Variants in GRIK2 observed in about 807,000 individuals in gnomAD.
GRIK2 encodes the protein glutamate receptor ionotropic, kainate 2.
A neutral mutation model predicts 100.3 loss-of-function variants in GRIK2; 32 were observed. The observed-to-expected ratio is 0.32, with a 90% CI of 0.24 to 0.43. The LOEUF (loss-of-function observed/expected upper bound fraction) is 0.43, where lower values mean the gene tolerates loss of function less well. Ranked by LOEUF, GRIK2 falls within the 20% of genes least tolerant of loss-of-function variation. The probability of loss-of-function intolerance (pLI) is 1.00; values close to 1 mark genes in which losing one functional copy is unlikely to be tolerated. For missense variants in GRIK2, 843 were observed against 1,114.9 expected (o/e 0.76, Z 3.47); for synonymous variants, 417 against 389.4 (o/e 1.07, Z -0.83).
At position 102,036,230 on chromosome 6, in the gene GRIK2, AACAC is replaced by A. The variant is rs775417100; in HGVS notation, c.2311+692_2311+695del. On this transcript the variant is annotated intron_variant, in intron 15 of 16. Transcript: ENST00000369134. ...TATGTATATGATGGTGCCGTAAGTA[AACAC>A]ACACACACACACACACACACACACA... 4.5e-4 allele frequency among the ~76,000 whole-genome samples: 66 copies of A among 146,290 alleles called. 1 individual carries two copies. In the Middle Eastern group the frequency reaches 0.017, roughly 38 times the overall value.
chr6:101,620,052 G>A (rs1207872824), intron 2 of GRIK2: 1 of 152,132 alleles, frequency 6.6e-6, no homozygotes, highest in Non-Finnish European at 1.5e-5. Context: ...ATTCTTTATT[G>A]CAATTCTATG....
intron 2 of GRIK2, among the ~76,000 whole-genome samples, chr6:101,460,117 C>G (rs775536983): frequency 2.6e-5 from 4 of 152,156 alleles, no homozygotes; most frequent in Admixed American, 6.5e-5. Flanking sequence ...CTGTTACTCC[C>G]TTTTTTCTCT....
intron 4 of GRIK2, among the ~76,000 whole-genome samples, chr6:101,651,646 G>C (rs1161477098): frequency 6.6e-6 from 1 of 152,092 alleles, no homozygotes; most frequent in African/African-American, 2.4e-5. Flanking sequence ...ATAAACAGAA[G>C]AACATTCCAG....
At chr6:101,396,518 C>G (rs1221691637) in intron 1 of GRIK2, among the ~76,000 whole-genome samples, 1 of 151,656 alleles carries the variant, frequency 6.6e-6, no homozygotes, top group Non-Finnish European at 1.5e-5. Flanking sequence ...ACAGTATGCC[C>G]TATTACAAAA....
chr6:101,574,188 C>T (rs962888662), intron 2 of GRIK2, among the ~76,000 whole-genome samples: 5 of 150,228 alleles, frequency 3.3e-5, no homozygotes, highest in South Asian at 2.1e-4. Context: ...ATTAAAAATA[C>T]AAGGATAATA....
intron 2 of GRIK2, among the ~76,000 whole-genome samples, chr6:101,573,094 C>T: frequency 6.6e-6 from 1 of 151,988 alleles, no homozygotes; most frequent in East Asian, 1.9e-4. Context: ...GATCCACCTT[C>T]CTCGGCCTCC....
chr6:101,466,017 T>A (rs930927950), intron 2 of GRIK2, among the ~76,000 whole-genome samples: 5 of 152,160 alleles, frequency 3.3e-5, no homozygotes, highest in Non-Finnish European at 4.4e-5. Flanking sequence ...AAGACAGTTT[T>A]ATTTAAGTCT....
chr6:101,568,795 C>A (rs1241375126), intron 2 of GRIK2, among the ~76,000 whole-genome samples: 1 of 151,886 alleles, frequency 6.6e-6, no homozygotes, highest in East Asian at 1.9e-4. Flanking sequence ...TATTTTAAAA[C>A]TTTTTGGTTT....
chr6:102,044,937 A>G (rs1268115219), intron 15 of GRIK2, among the ~76,000 whole-genome samples: 1 of 152,082 alleles, frequency 6.6e-6, no homozygotes, highest in East Asian at 1.9e-4. Context: ...TTTTGGAACC[A>G]TAGCACATTT....
intron 4 of GRIK2, among the ~76,000 whole-genome samples, chr6:101,674,568 G>A (rs1770688215): frequency 6.6e-6 from 1 of 152,118 alleles, no homozygotes; most frequent in Admixed American, 6.6e-5. Flanking sequence ...ACAAGTTCAA[G>A]TACCTATTTT....
rs549721942 is a variant in GRIK2 at position 102,000,409 on chromosome 6, C to T, written c.2086-34932C>T. 2.6e-5 allele frequency among the ~76,000 whole-genome samples: 4 copies of T among 151,456 alleles called. No individual in the cohort carries two copies. In the South Asian group the frequency reaches 8.3e-4, roughly 32 times the overall value. The stretch of plus-strand genomic sequence containing the variant: ...CATAGTACCCAACTACCTGTTGGTA[C>T]TATGCCTCCTCCCTACCTCACCCCT... On this transcript the variant is annotated intron_variant, in intron 14 of 16. Transcript: ENST00000369134.
intron 2 of GRIK2, among the ~76,000 whole-genome samples, chr6:101,552,558 C>G (rs555044461): frequency 6.6e-6 from 1 of 152,270 alleles, no homozygotes; most frequent in South Asian, 2.1e-4. Flanking sequence ...GGATAATCCT[C>G]CCCATTCAAT....
chr6:101,886,888 C>T (rs866497581), intron 11 of GRIK2, among the ~76,000 whole-genome samples: 47 of 133,602 alleles, frequency 3.5e-4, no homozygotes, highest in African/African-American at 1.3e-3. Flanking sequence ...TGCAGTGTTG[C>T]GATCTCGGCT....
chr6:101,460,962 G>A (rs1771277195), intron 2 of GRIK2, among the ~76,000 whole-genome samples: 1 of 152,122 alleles, frequency 6.6e-6, no homozygotes, highest in Non-Finnish European at 1.5e-5. Context: ...TATTTTAACA[G>A]CATACTTTTA....
At chr6:101,544,335 T>C (rs906587999) in intron 2 of GRIK2, among the ~76,000 whole-genome samples, 1 of 152,118 alleles carries the variant, frequency 6.6e-6, no homozygotes, top group African/African-American at 2.4e-5. Flanking sequence ...AAACATAAGT[T>C]TAAGGCATTC....
chr6:101,624,044 G>A (rs1202857270), intron 3 of GRIK2, among the ~76,000 whole-genome samples: 2 of 151,862 alleles, frequency 1.3e-5, no homozygotes, highest in Non-Finnish European at 1.5e-5. Context: ...AATAATAAAT[G>A]AGATGTTACC....
In GRIK2 at chr6:101,556,321, A is replaced by ATTTTTTTTTTTTTTT. The variant is rs10528480; in HGVS notation, c.116-65611_116-65597dup. ...AATTGCACTATGTAATATATTGGTA[A>ATTTTTTTTTTTTTTT]TTTTTTTTTTTTTTTTTTTTTTTTT... On this transcript the variant is annotated intron_variant, in intron 2 of 16. Transcript: ENST00000369134. Among the ~76,000 whole-genome samples the ATTTTTTTTTTTTTTT allele has an allele frequency of 2.7e-3, 162 of 59,390 alleles. 23 individuals are homozygous for ATTTTTTTTTTTTTTT. Among genetic ancestry groups the ATTTTTTTTTTTTTTT allele is most frequent in the African/African-American group, 5.7e-3 (102 of 17,912 alleles). 39.0% of individuals were successfully genotyped at this position (59,390 alleles called of 152,430 possible).
At chr6:102,032,569 C>T (rs1271538761) in intron 14 of GRIK2, among the ~76,000 whole-genome samples, 2 of 151,094 alleles carry the variant, frequency 1.3e-5, no homozygotes, top group African/African-American at 4.8e-5. Context: ...CTCATGGTGC[C>T]CCAGCCAAAG....
chr6:101,874,133 G>A (rs1454446046), intron 11 of GRIK2, among the ~76,000 whole-genome samples: 1 of 152,112 alleles, frequency 6.6e-6, no homozygotes, highest in Non-Finnish European at 1.5e-5. Flanking sequence ...GGCTTCTGTT[G>A]CCATTGCTTT....
Sources: gnomAD v4.1 joint callset for allele counts (sites outside exome capture counted in the v4.1 genomes callset) on GRCh38, gnomAD v4.1.1 for gene constraint, MANE v1.5 for transcripts, NCBI Gene and HGNC (gene_info 2026-07-23, HGNC 2026-07-21) for gene names.